The following TOB2 variants were observed in gnomAD, a reference collection of about 807,000 sequenced individuals.
TOB2 encodes protein Tob2.
Under a neutral mutation model 17.3 loss-of-function variants are expected in TOB2, and 3 were observed. That is an observed-to-expected ratio of 0.17 (90% confidence interval 0.08 to 0.45). The LOEUF is 0.45. Among genes scored for constraint, TOB2 ranks in the 20% least tolerant of loss-of-function variants. The pLI is 0.99. For missense variants in TOB2, 407 were observed against 445.7 expected (o/e 0.91, Z 0.78); for synonymous variants, 163 against 185.6 (o/e 0.88, Z 0.99).
intron 1 of TOB2, among the ~76,000 whole-genome samples, chr22:41,439,413 C>A (rs1416400359): frequency 2.6e-5 from 4 of 152,152 alleles, no homozygotes; most frequent in Admixed American, 2.6e-4. Context: ...CCTGCCCCAA[C>A]ACATTTCCCT....
chr22:41,437,948 C>CAAAAA lies in TOB2; in HGVS notation c.-62-546_-62-542dup, dbSNP rs35151486. ...CTGGCGACAGAGTGAGACTCCATCTCAAAAAAAAAAAAAAAAAAAAAAAAA... is the reference window on the plus strand; with the variant it reads ...CTGGCGACAGAGTGAGACTCCATCTCAAAAAAAAAAAAAAAAAAAAAAAAAAAAAA... On this transcript the variant is annotated intron_variant, in intron 1 of 1. Coordinates refer to ENST00000327492, the MANE Select transcript of TOB2 (RefSeq NM_016272.4). 1.3e-4 allele frequency among the ~76,000 whole-genome samples: 6 copies of CAAAAA among 44,490 alleles called. 1 individual carries two copies. Among genetic ancestry groups the CAAAAA allele is most frequent in the East Asian group, 1.5e-3 (2 of 1,356 alleles). 29.2% of individuals were successfully genotyped at this position (44,490 alleles called of 152,430 possible).
Position 41,435,797 on chromosome 22 carries a change from G to A in TOB2, c.*514C>T, listed in dbSNP as rs1319632537. 1 of 153,106 alleles carries A rather than the reference G, an allele frequency of 6.5e-6. No individual in the cohort carries two copies. The highest frequency in any genetic ancestry group is 1.9e-4 in the East Asian group (1 of 5,196). The allele number at this position is 153,106 out of a possible 1,614,324, so 9.5% of individuals were successfully genotyped here. A position where few individuals can be genotyped will look rare whatever the true frequency, so the allele number is the denominator to read the frequency against. ...GTGGCAGGGCCCGAGAAGGCCTGCT[G>A]AGGTTGGATGGCTTTGAGTGCGAGG... is the stretch of plus-strand genomic sequence containing the variant. On this transcript the variant is annotated 3_prime_UTR_variant, in exon 2 of 2. Transcript: ENST00000327492.
At position 41,436,256 on chromosome 22, in the gene TOB2, TC is replaced by T; in HGVS notation, c.*54del. ...TTCTTTTCCTCTTTTTTTTGGCCTT[TC>T]CTTTCTCTTTTCTGTGGTCTTGGGT... On this transcript the variant is annotated 3_prime_UTR_variant, in exon 2 of 2. Transcript: ENST00000327492. This position sits in a 1 kb window ranked among gnomAD's most constrained non-coding sequence, Gnocchi z 4.8. 1 of 1,491,634 alleles carries T rather than the reference TC, an allele frequency of 6.7e-7. No individual in the cohort carries two copies. Among genetic ancestry groups the T allele is most frequent in the Non-Finnish European group, 8.9e-7 (1 of 1,123,188 alleles). The allele number at this position is 1,491,634 out of a possible 1,614,324, so 92.4% of individuals were successfully genotyped here. A position where few individuals can be genotyped will look rare whatever the true frequency, so the allele number is the denominator to read the frequency against.
chr22:41,438,630 CAAAAAAAAAAAAAAAAAA>C (rs749494672), intron 1 of TOB2, among the ~76,000 whole-genome samples: 20 of 12,680 alleles, frequency 1.6e-3, no homozygotes, highest in Admixed American at 7.3e-3. Flanking sequence ...AACTCTGTCT[CAAAAAAAAAAAAAAAAAA>C]AAAAAAAAAA....
chr22:41,437,873 C>T (rs1417542015), intron 1 of TOB2, among the ~76,000 whole-genome samples: 1 of 148,024 alleles, frequency 6.8e-6, no homozygotes, highest in African/African-American at 2.5e-5. Context: ...TTGCTTCAAC[C>T]CAGGAGGCAG....
intron 1 of TOB2, 53 bp from the exon 2 acceptor site, chr22:41,437,460 A>G: frequency 6.7e-7 from 1 of 1,500,262 alleles, no homozygotes; most frequent in Non-Finnish European, 8.8e-7. Flanking sequence ...GTGGTGACCA[A>G]CAGCTAGGGA....
rs2037552980 is a variant in TOB2, at chr22:41,436,689, C to G, written c.657G>C (p.Met219Ile). 2 of 1,613,776 alleles carry G rather than the reference C, an allele frequency of 1.2e-6. No homozygotes were observed. The highest frequency in any genetic ancestry group is 1.7e-6 in the Non-Finnish European group (2 of 1,179,886). ...GGQQPPQQPR[M>I]ARSPTNSLLK... ...GCAGGCTGTTGGTGGGTGAGCGGGC[C>G]ATGCGAGGCTGCTGTGGTGGCTGCT... Residue 219 changes from methionine (M) to isoleucine (I), a missense_variant, in exon 2 of 2, where the codon ATG becomes ATC. By Grantham distance (10) the Met-to-Ile change is conservative. Transcript: ENST00000327492. This position sits in a 1 kb window ranked among gnomAD's most constrained non-coding sequence, Gnocchi z 4.8.
In TOB2 at chr22:41,433,874, G is replaced by A. The variant is rs2037514049; in HGVS notation, c.*2437C>T. The A allele has an allele frequency of 1.5e-5, 5 of 329,552 alleles. No homozygotes were observed. Among genetic ancestry groups the A allele is most frequent in the Non-Finnish European group, 3.3e-5 (5 of 153,192 alleles). The allele number at this position is 329,552 out of a possible 1,614,324, so 20.4% of individuals were successfully genotyped here. On this transcript the variant is annotated 3_prime_UTR_variant, in exon 2 of 2. Coordinates refer to ENST00000327492, the MANE Select transcript of TOB2 (RefSeq NM_016272.4). ...TCCTGGGAAAGAGGGATAGATAGAG[G>A]ATGGGGAAAGGGGAGAAAAGGTTTT...
Position 41,437,027 on chromosome 22 carries a change from C to T in TOB2, c.319G>A (p.Gly107Arg). The change falls in exon 2 of 2, where the codon GGA becomes AGA. Residue 107 changes from glycine to arginine, a missense_variant. Transcript: ENST00000327492. ...TCCAGGTACAGCACTTTCACAGCTCCCTTCTCACCAATCTGGTAGGACACC... is the reference window on the plus strand; with the variant it reads ...TCCAGGTACAGCACTTTCACAGCTCTCTTCTCACCAATCTGGTAGGACACC... ...FEVSYQIGEKGAVKVLYLDDS... is the reference protein window; with the variant it reads ...FEVSYQIGEKRAVKVLYLDDS... 1 of 1,614,136 alleles carries T rather than the reference C, an allele frequency of 6.2e-7. No individual in the cohort carries two copies. The highest frequency in any genetic ancestry group is 8.5e-7 in the Non-Finnish European group (1 of 1,180,030).
chr22:41,436,339 T>C lies in TOB2; in HGVS notation c.1007A>G (p.Gln336Arg), dbSNP rs747354276. The change falls in exon 2 of 2, where the codon CAG (glutamine) becomes CGG (arginine). Residue 336 changes from glutamine to arginine, a missense_variant. By Grantham distance (43) the Gln-to-Arg change is conservative. Coordinates refer to ENST00000327492, the MANE Select transcript of TOB2 (RefSeq NM_016272.4). This position sits in a 1 kb window ranked among gnomAD's most constrained non-coding sequence, Gnocchi z 4.8. ...NLNTMQYPSQ[Q>R]FQPVVLAN Reference sequence around the variant, plus strand: ...GTTGGCCAGCACCACGGGCTGGAACTGCTGGCTGGGATACTGCATGGTGTT... The same window carrying C: ...GTTGGCCAGCACCACGGGCTGGAACCGCTGGCTGGGATACTGCATGGTGTT... The C allele has an allele frequency of 1.3e-6, 2 of 1,593,666 alleles. 1 individual carries two copies. Among genetic ancestry groups the C allele is most frequent in the South Asian group, 2.3e-5 (2 of 87,544 alleles).
intron 1 of TOB2, among the ~76,000 whole-genome samples, chr22:41,443,257 G>GGTGT (rs142419692): frequency 5.3e-5 from 8 of 151,940 alleles, no homozygotes; most frequent in African/African-American, 1.9e-4. Flanking sequence ...ATGTGAGGAA[G>GGTGT]GTGTGTGTGT....
chr22:41,442,759 G>C (rs918589281), intron 1 of TOB2, among the ~76,000 whole-genome samples: 1 of 152,160 alleles, frequency 6.6e-6, no homozygotes, highest in Admixed American at 6.5e-5. Context: ...CCATTCAGAG[G>C]AGTTTGTTCA....
At chr22:41,440,352 C>A (rs1229829299) in intron 1 of TOB2, among the ~76,000 whole-genome samples, 1 of 151,030 alleles carries the variant, frequency 6.6e-6, no homozygotes, top group Non-Finnish European at 1.5e-5. Context: ...CTGCTGACTT[C>A]GTGATCCACC....
intron 1 of TOB2, among the ~76,000 whole-genome samples, chr22:41,438,898 G>T (rs2037584832): frequency 6.6e-6 from 1 of 152,004 alleles, no homozygotes; most frequent in South Asian, 2.1e-4. Context: ...AGTCTCCCAG[G>T]GACTGTCTGA....
rs35151486 is a variant in TOB2, at chr22:41,437,948, C to CAAA, written c.-62-544_-62-542dup. The stretch of plus-strand genomic sequence containing the variant: ...CTGGCGACAGAGTGAGACTCCATCT[C>CAAA]AAAAAAAAAAAAAAAAAAAAAAAAA... On this transcript the variant is annotated intron_variant, in intron 1 of 1. Coordinates refer to ENST00000327492, the MANE Select transcript of TOB2 (RefSeq NM_016272.4). Among the ~76,000 whole-genome samples, 127 of 44,496 alleles carry CAAA rather than the reference C, an allele frequency of 2.9e-3. 8 individuals are homozygous for CAAA. Among genetic ancestry groups the CAAA allele is most frequent in the African/African-American group, 0.012 (112 of 9,270 alleles). 29.2% of individuals were successfully genotyped at this position (44,496 alleles called of 152,430 possible).
rs138387091 is a variant in TOB2, at chr22:41,436,812, G to A, written c.534C>T (p.Thr178=). Reference sequence around the variant, plus strand: ...CAAATTTGGTGGCAGCGAAGGAGGCGGTGGTGAAGGTGATGGGCTGAGCGG... The same window carrying A: ...CAAATTTGGTGGCAGCGAAGGAGGCAGTGGTGAAGGTGATGGGCTGAGCGG... ...PRSAQPITFT[T]ASFAATKFGS... The change falls in exon 2 of 2, where the codon ACC becomes ACT. Residue 178 remains threonine (T), a synonymous_variant. Transcript: ENST00000327492. The surrounding 1 kb of genome is among the most constrained non-coding windows in gnomAD (Gnocchi z 4.8). 2.4e-5 allele frequency: 38 copies of A among 1,614,058 alleles called. No individual in the cohort carries two copies. Among genetic ancestry groups the A allele is most frequent in the African/African-American group, 2.1e-4 (16 of 75,042 alleles).
chr22:41,436,465 C>G lies in TOB2; in HGVS notation c.881G>C (p.Cys294Ser), dbSNP rs2037548553. The change falls in exon 2 of 2, where the codon TGC becomes TCC. Residue 294 changes from cysteine (C) to serine (S), a missense_variant. By Grantham distance (112) the Cys-to-Ser change is moderately radical (BLOSUM62 -1). Coordinates refer to ENST00000327492, the MANE Select transcript of TOB2 (RefSeq NM_016272.4). The surrounding 1 kb of genome is among the most constrained non-coding windows in gnomAD (Gnocchi z 4.8). ...GGCCATGTCAAAGCTGCTGCTGTTGCAGGTGCCAGCCCCACTGCCTCCAAA... is the reference window on the plus strand; with the variant it reads ...GGCCATGTCAAAGCTGCTGCTGTTGGAGGTGCCAGCCCCACTGCCTCCAAA... ...GPFGGSGAGTCNSSSFDMAQV... is the reference protein window; with the variant it reads ...GPFGGSGAGTSNSSSFDMAQV... 2 of 1,614,078 alleles carry G rather than the reference C, an allele frequency of 1.2e-6. No homozygotes were observed. Among genetic ancestry groups the G allele is most frequent in the African/African-American group, 1.3e-5 (1 of 74,952 alleles).
chr22:41,439,863 T>C (rs2037594363), intron 1 of TOB2, among the ~76,000 whole-genome samples: 2 of 151,754 alleles, frequency 1.3e-5, no homozygotes, highest in South Asian at 4.2e-4. Context: ...ATTTCTGGGG[T>C]GAATGTATCA....
chr22:41,445,794 G>A (rs1049966262), intron 1 of TOB2, among the ~76,000 whole-genome samples: 16 of 152,282 alleles, frequency 1.1e-4, no homozygotes, highest in Admixed American at 4.6e-4. Flanking sequence ...ACACTTAAGA[G>A]TATAAAGAGC....
Sources: gnomAD v4.1 joint callset for allele counts (sites outside exome capture counted in the v4.1 genomes callset) on GRCh38, gnomAD v4.1.1 for gene constraint, Gnocchi (gnomAD v3.1) non-coding constraint, MANE v1.5 for transcripts, NCBI Gene and HGNC (gene_info 2026-07-23, HGNC 2026-07-21) for gene names.